Variants in CLYBL observed in about 807,000 individuals in gnomAD.
CLYBL encodes citramalyl-CoA lyase.
A neutral mutation model predicts 38.9 loss-of-function variants in CLYBL; 31 were observed. The ratio of observed to expected loss-of-function variants is 0.80; its 90% CI spans 0.60 to 1.08. CLYBL has a LOEUF of 1.08. Among genes scored for constraint, CLYBL ranks in the 50% least tolerant of loss-of-function variants. CLYBL has a pLI of 0.00. For missense variants in CLYBL, 434 were observed against 411.6 expected, an observed-to-expected ratio of 1.05 and a Z score of -0.47; for synonymous variants, 171 against 158.6, an observed-to-expected ratio of 1.08 and a Z score of -0.59.
intron 1 of CLYBL, among the ~76,000 whole-genome samples, chr13:99,699,775 C>G (rs192774959): frequency 4.0e-5 from 6 of 151,602 alleles, no homozygotes; most frequent in Admixed American, 3.9e-4. Flanking sequence ...GGGCAGATCA[C>G]AAGGTCAGGA....
At chr13:99,843,601 A>ATTT (rs1235203221) in intron 2 of CLYBL, among the ~76,000 whole-genome samples, 2 of 80,558 alleles carry the variant, frequency 2.5e-5, no homozygotes, top group African/African-American at 1.1e-4. Context: ...GGGAAAAATT[A>ATTT]ATCTTTTTTT....
intron 2 of CLYBL, among the ~76,000 whole-genome samples, chr13:99,846,542 G>C (rs115502965): frequency 6.6e-5 from 10 of 152,026 alleles, no homozygotes; most frequent in African/African-American, 2.4e-4. Flanking sequence ...TTCTTCATTC[G>C]TGTCTGCCAG....
At chr13:99,907,007 A>C (rs958711418) in intron 9 of CLYBL, among the ~76,000 whole-genome samples, 1 of 152,308 alleles carries the variant, frequency 6.6e-6, no homozygotes, top group Non-Finnish European at 1.5e-5. Flanking sequence ...GGCAAATACT[A>C]CTTTATTCAC....
intron 7 of CLYBL, among the ~76,000 whole-genome samples, chr13:99,888,631 T>C (rs1373988710): frequency 8.5e-5 from 13 of 152,102 alleles, no homozygotes; most frequent in Admixed American, 8.5e-4. Context: ...CACGCACCTG[T>C]AGTCCCAGCT....
At chr13:99,680,187 G>A (rs1347105638) in intron 1 of CLYBL, among the ~76,000 whole-genome samples, 1 of 152,018 alleles carries the variant, frequency 6.6e-6, no homozygotes, top group Non-Finnish European at 1.5e-5. Context: ...TATAAACATC[G>A]TCTTCCTCCA....
At chr13:99,704,170 G>A (rs2048111851) in intron 1 of CLYBL, among the ~76,000 whole-genome samples, 1 of 152,164 alleles carries the variant, frequency 6.6e-6, no homozygotes, top group African/African-American at 2.4e-5. Context: ...CTCTGAATGA[G>A]TGTTGTCATT....
At chr13:99,621,835 T>C (rs1014478002) in intron 1 of CLYBL, among the ~76,000 whole-genome samples, 4 of 152,200 alleles carry the variant, frequency 2.6e-5, no homozygotes, top group Middle Eastern at 6.8e-3. Context: ...TCTTCCAGTG[T>C]GGGGCCAGGG....
At chr13:99,608,022 G>C (rs1289272544) in intron 1 of CLYBL, among the ~76,000 whole-genome samples, 1 of 151,094 alleles carries the variant, frequency 6.6e-6, no homozygotes, top group East Asian at 1.9e-4. Context: ...TGGGATTACA[G>C]GCGTGAGCCA....
chr13:99,664,525 G>A (rs1170407450), intron 1 of CLYBL, among the ~76,000 whole-genome samples: 1 of 152,104 alleles, frequency 6.6e-6, no homozygotes, highest in Non-Finnish European at 1.5e-5. Flanking sequence ...AGATACCTTT[G>A]CGTAGTACTT....
At chr13:99,609,457 G>T (rs938782450) in intron 1 of CLYBL, among the ~76,000 whole-genome samples, 30 of 152,204 alleles carry the variant, frequency 2.0e-4, no homozygotes, top group African/African-American at 6.7e-4. Flanking sequence ...TTACAGGTGT[G>T]AGCCACCGTG....
At chr13:99,728,992 C>A (rs2048533566) in intron 1 of CLYBL, among the ~76,000 whole-genome samples, 1 of 152,222 alleles carries the variant, frequency 6.6e-6, no homozygotes, top group South Asian at 2.1e-4. Flanking sequence ...GAGCTTCTTT[C>A]CTCATAATTG....
chr13:99,669,469 A>G (rs1445055917), intron 1 of CLYBL, among the ~76,000 whole-genome samples: 2 of 152,128 alleles, frequency 1.3e-5, no homozygotes, highest in Non-Finnish European at 2.9e-5. Flanking sequence ...GGAGAGGTGG[A>G]TGGGAGGGGA....
In CLYBL at chr13:99,800,894, C is replaced by A. The variant is rs147559710; in HGVS notation, c.249+27884C>A. Among the ~76,000 whole-genome samples, 302 of 114,308 alleles carry A rather than the reference C, an allele frequency of 2.6e-3. 1 individual carries two copies. The highest frequency in any genetic ancestry group is 5.8e-3 in the African/African-American group (191 of 32,774). The allele number at this position is 114,308 out of a possible 152,430, so 75.0% of individuals were successfully genotyped here. A position where few individuals can be genotyped will look rare whatever the true frequency, so the allele number is the denominator to read the frequency against. On this transcript the variant is annotated intron_variant, in intron 2 of 8. Coordinates refer to ENST00000339105, the MANE Select transcript of CLYBL (RefSeq NM_206808.5). ...GTCTCAAATTAAAAAACAACAACAA[C>A]AAAAAAAAAAAACAAAAAAAAAAAA...
At chr13:99,835,932 G>T (rs545322959) in intron 2 of CLYBL, among the ~76,000 whole-genome samples, 2 of 152,292 alleles carry the variant, frequency 1.3e-5, no homozygotes, top group African/African-American at 4.8e-5. Flanking sequence ...ACCGCCCAGG[G>T]GCCAGGACTT....
chr13:99,807,545 G>A (rs958148055), intron 2 of CLYBL, among the ~76,000 whole-genome samples: 1 of 152,160 alleles, frequency 6.6e-6, no homozygotes, highest in Non-Finnish European at 1.5e-5. Context: ...AGAATATTAC[G>A]CTGAGTGAAA....
chr13:99,870,277 C>G (rs1394212183), intron 6 of CLYBL, among the ~76,000 whole-genome samples: 1 of 152,052 alleles, frequency 6.6e-6, no homozygotes, highest in Non-Finnish European at 1.5e-5. Flanking sequence ...CTGCAGTGTT[C>G]AAATCTGCCT....
intron 1 of CLYBL, among the ~76,000 whole-genome samples, chr13:99,669,360 A>T (rs149651353): frequency 1.3e-5 from 2 of 152,236 alleles, no homozygotes; most frequent in East Asian, 3.9e-4. Flanking sequence ...CGTGAAGAAC[A>T]TGTAGCTTGT....
downstream of CLYBL, chr13:99,897,028 A>G (rs558608508): frequency 2.0e-5 from 3 of 152,396 alleles, no homozygotes; most frequent in Admixed American, 2.0e-4. Flanking sequence ...GCCTAAAATA[A>G]TGTCAAGTGT....
intron 1 of CLYBL, among the ~76,000 whole-genome samples, chr13:99,740,029 T>A (rs1052121644): frequency 6.6e-6 from 1 of 152,128 alleles, no homozygotes; most frequent in Non-Finnish European, 1.5e-5. Context: ...GAACAAAGAC[T>A]ATCATATCTG....
Sources: gnomAD v4.1 joint callset for allele counts (sites outside exome capture counted in the v4.1 genomes callset) on GRCh38, gnomAD v4.1.1 for gene constraint, MANE v1.5 for transcripts, NCBI Gene and HGNC (gene_info 2026-07-23, HGNC 2026-07-21) for gene names.